The following MPP7 variants were observed in gnomAD, a reference collection of about 807,000 sequenced individuals.
The protein encoded by MPP7 is MAGUK p55 subfamily member 7.
A neutral mutation model predicts 76.5 loss-of-function variants in MPP7; 60 were observed. That is an observed-to-expected ratio of 0.78 (90% confidence interval 0.64 to 0.97). The LOEUF (loss-of-function observed/expected upper bound fraction) is 0.97. MPP7 is among the 50% of genes least tolerant of loss of function. The probability of loss-of-function intolerance (pLI) is 0.00; values close to 1 mark genes in which losing one functional copy is unlikely to be tolerated. For missense variants in MPP7, 641 were observed against 694.0 expected (o/e 0.92, Z 0.86); for synonymous variants, 237 against 244.5 (o/e 0.97, Z 0.29).
intron 1 of MPP7, among the ~76,000 whole-genome samples, chr10:28,253,301 C>T (rs1049123640): frequency 2.6e-5 from 4 of 152,124 alleles, no homozygotes; most frequent in Middle Eastern, 3.4e-3. Context: ...GTAGAGTTGC[C>T]GGCCAAATAT....
chr10:28,235,649 G>A (rs1839048453), intron 2 of MPP7, among the ~76,000 whole-genome samples: 1 of 152,146 alleles, frequency 6.6e-6, no homozygotes, highest in Non-Finnish European at 1.5e-5. Flanking sequence ...AATTTCAAAT[G>A]TGTAAAAACA....
intron 11 of MPP7, chr10:28,118,724 G>T (rs1348312038): frequency 2.0e-6 from 2 of 985,272 alleles, no homozygotes. Flanking sequence ...TCCACTTTAA[G>T]CATTTGCCTG....
chr10:28,054,056 TTC>T lies in MPP7; in HGVS notation c.*7_*8del, dbSNP rs749075301. The T allele has an allele frequency of 6.2e-7, 1 of 1,603,710 alleles. No individual in the cohort carries two copies. Among genetic ancestry groups the T allele is most frequent in the Admixed American group, 1.7e-5 (1 of 58,210 alleles). ...TATAGAAAAAGACAATTATGGAAAT[TTC>T]TCTTAGTTATGAATGTAACCAGCTC... On this transcript the variant is annotated 3_prime_UTR_variant, in exon 17 of 17. Transcript: ENST00000683449.
intron 4 of MPP7, among the ~76,000 whole-genome samples, chr10:28,147,776 T>G (rs1835757545): frequency 6.6e-6 from 1 of 152,178 alleles, no homozygotes; most frequent in Non-Finnish European, 1.5e-5. Context: ...TGAGTACAAA[T>G]CAAGTAATCG....
chr10:28,138,411 C>T (rs919819716), intron 5 of MPP7, among the ~76,000 whole-genome samples: 4 of 152,206 alleles, frequency 2.6e-5, no homozygotes, highest in Non-Finnish European at 5.9e-5. Flanking sequence ...TATTCACATT[C>T]AATTAATCTA....
chr10:28,095,755 G>A (rs748881436), intron 11 of MPP7, among the ~76,000 whole-genome samples: 18 of 152,094 alleles, frequency 1.2e-4, no homozygotes, highest in African/African-American at 2.2e-4. Flanking sequence ...TTAAAAAGAC[G>A]GAAGGGAAAG....
At chr10:28,112,556 G>A (rs940684847) in intron 11 of MPP7, among the ~76,000 whole-genome samples, 4 of 152,104 alleles carry the variant, frequency 2.6e-5, no homozygotes, top group Admixed American at 2.6e-4. Flanking sequence ...TTTAAGTAGA[G>A]AGAAAATGAT....
chr10:28,142,394 T>C (rs1835550960), intron 5 of MPP7, among the ~76,000 whole-genome samples: 1 of 152,202 alleles, frequency 6.6e-6, no homozygotes, highest in Non-Finnish European at 1.5e-5. Flanking sequence ...TATTCTCATG[T>C]GGCTTATATT....
intron 1 of MPP7, among the ~76,000 whole-genome samples, chr10:28,279,855 C>T (rs538633613): frequency 6.6e-6 from 1 of 152,060 alleles, no homozygotes; most frequent in Non-Finnish European, 1.5e-5. Flanking sequence ...AAAATGTTCC[C>T]ACCATCAAAC....
intron 3 of MPP7, among the ~76,000 whole-genome samples, chr10:28,163,191 T>A (rs1384884640): frequency 6.6e-6 from 1 of 152,032 alleles, no homozygotes; most frequent in Non-Finnish European, 1.5e-5. Context: ...TCTGAACACA[T>A]CCCTTCCTCT....
chr10:28,147,109 C>T (rs1588847389), intron 5 of MPP7, among the ~76,000 whole-genome samples: 1 of 152,042 alleles, frequency 6.6e-6, no homozygotes. Flanking sequence ...GCTGAAATGA[C>T]CCTATAGAAA....
intron 11 of MPP7, among the ~76,000 whole-genome samples, chr10:28,093,749 G>C (rs1853430763): frequency 6.6e-6 from 1 of 151,868 alleles, no homozygotes; most frequent in Non-Finnish European, 1.5e-5. Context: ...ACCCAGCCAA[G>C]TTTTTACTTT....
At chr10:28,283,281 GAAT>G (rs903411027) in intron 1 of MPP7, among the ~76,000 whole-genome samples, 1 of 152,036 alleles carries the variant, frequency 6.6e-6, no homozygotes. Context: ...ACCTGGGTTT[GAAT>G]CCTGGCTCTA....
At chr10:28,166,014 G>C (rs1836441686) in intron 3 of MPP7, among the ~76,000 whole-genome samples, 2 of 102,542 alleles carry the variant, frequency 2.0e-5, no homozygotes, top group Non-Finnish European at 3.7e-5. Flanking sequence ...AATAGAGCAA[G>C]ACTCATCTCA....
chr10:28,164,152 A>C (rs563855740), intron 3 of MPP7, among the ~76,000 whole-genome samples: 1 of 152,188 alleles, frequency 6.6e-6, no homozygotes, highest in South Asian at 2.1e-4. Context: ...AGGGGATGTA[A>C]ATGGTAACTG....
At chr10:28,176,915 A>G (rs1270092114) in intron 3 of MPP7, among the ~76,000 whole-genome samples, 3 of 150,506 alleles carry the variant, frequency 2.0e-5, no homozygotes, top group Non-Finnish European at 4.4e-5. Context: ...ATTAGGAGAT[A>G]TATCTAATGT....
chr10:28,149,244 T>C (rs1835802625), intron 4 of MPP7, among the ~76,000 whole-genome samples: 1 of 152,160 alleles, frequency 6.6e-6, no homozygotes, highest in African/African-American at 2.4e-5. Context: ...AAGCAACAAA[T>C]AAGCTACGGG....
intron 5 of MPP7, among the ~76,000 whole-genome samples, chr10:28,131,927 C>T (rs562831855): frequency 6.6e-6 from 1 of 152,174 alleles, no homozygotes; most frequent in South Asian, 2.1e-4. Flanking sequence ...ACCTCTGTCC[C>T]CAGTGTCACT....
At position 28,133,048 on chromosome 10, in the gene MPP7, C is replaced by T. The variant is rs1390227400; in HGVS notation, c.316-1357G>A. On this transcript the variant is annotated intron_variant, in intron 5 of 16. Transcript: ENST00000683449. ...CATTCATTTATCCATTGTCTATGGC[C>T]GCTGTCATGCTACAGTGGCAAAGTT... Among the ~76,000 whole-genome samples the T allele has an allele frequency of 5.3e-5, 8 of 152,152 alleles. No homozygotes were observed. In the South Asian group the frequency reaches 6.2e-4, roughly 12 times the overall value.
Sources: gnomAD v4.1 joint callset for allele counts (sites outside exome capture counted in the v4.1 genomes callset) on GRCh38, gnomAD v4.1.1 for gene constraint, MANE v1.5 for transcripts, NCBI Gene and HGNC (gene_info 2026-07-23, HGNC 2026-07-21) for gene names.